MCF2: variants seen among roughly 807,000 people sequenced by gnomAD.
MCF2 encodes proto-oncogene DBL.
A neutral mutation model predicts 82.5 loss-of-function variants in MCF2; 44 were observed. The ratio of observed to expected loss-of-function variants is 0.53; its 90% CI spans 0.42 to 0.69. The LOEUF (loss-of-function observed/expected upper bound fraction) is 0.69. MCF2 is among the 30% of genes least tolerant of loss of function. The pLI is 0.00. For missense variants in MCF2, 623 were observed against 663.1 expected (o/e 0.94, Z 0.66); for synonymous variants, 217 against 224.9 (o/e 0.96, Z 0.32).
intron 5 of MCF2, 126 bp from the exon 9 acceptor site, chrX:139,626,433 A>G: frequency 1.7e-6 from 1 of 585,932 alleles, no homozygotes; most frequent in Non-Finnish European, 2.8e-6. Context: ...GGTTCTACCT[A>G]TAGAGACAAC....
chrX:139,702,166 T>C (rs1382828140), intron 1 of MCF2: 1 of 112,411 alleles, frequency 8.9e-6, no homozygotes, highest in Non-Finnish European at 1.9e-5. Context: ...CTGAATTTTG[T>C]TCGTTCATAG....
At chrX:139,697,303 T>A (rs977074283) in intron 1 of MCF2, among the ~76,000 whole-genome samples, 1 of 111,902 alleles carries the variant, frequency 8.9e-6, no homozygotes, top group African/African-American at 3.2e-5. Context: ...ACCAATATCA[T>A]GAAAACAGGG....
chrX:139,634,588 A>G (rs1933094414), intron 1 of MCF2, among the ~76,000 whole-genome samples: 1 of 111,900 alleles, frequency 8.9e-6, no homozygotes, highest in African/African-American at 3.2e-5. Flanking sequence ...AGAGCATAAA[A>G]TTAAATCAAT....
upstream of MCF2, chrX:139,645,606 T>C: frequency 8.3e-7 from 1 of 1,204,015 alleles, no homozygotes; most frequent in East Asian, 3.0e-5. Flanking sequence ...GAAGACCATG[T>C]ATCCAATCTT....
intron 1 of MCF2, among the ~76,000 whole-genome samples, chrX:139,694,760 T>C (rs753069799): frequency 9.0e-6 from 1 of 110,935 alleles, no homozygotes; most frequent in South Asian, 3.8e-4. Context: ...TGACAAACAA[T>C]AGCAGATAAT....
At chrX:139,636,688 C>G (rs997857406) in intron 1 of MCF2, among the ~76,000 whole-genome samples, 1 of 111,727 alleles carries the variant, frequency 9.0e-6, no homozygotes, top group African/African-American at 3.3e-5. Flanking sequence ...CCAGAGACAG[C>G]TGATCACATA....
chrX:139,634,612 A>C (rs188688266), intron 1 of MCF2, among the ~76,000 whole-genome samples: 1 of 112,003 alleles, frequency 8.9e-6, no homozygotes, highest in Non-Finnish European at 1.9e-5. Context: ...TTAAACAATG[A>C]TTATCAATAT....
intron 1 of MCF2, among the ~76,000 whole-genome samples, chrX:139,658,002 T>C (rs1255316596): frequency 9.0e-6 from 1 of 111,363 alleles, no homozygotes; most frequent in Non-Finnish European, 1.9e-5. Context: ...AAGCATATAG[T>C]TGACTGGAAT....
intron 8 of MCF2, among the ~76,000 whole-genome samples, chrX:139,617,037 G>A (rs780368837): frequency 1.8e-5 from 2 of 110,945 alleles, no homozygotes; most frequent in Non-Finnish European, 3.8e-5. Context: ...TTGCCTAATC[G>A]TGAAAAGGGT....
chrX:139,610,234 T>A, intron 11 of MCF2, 67 bp downstream of exon 15: 4 of 715,527 alleles, frequency 5.6e-6, no homozygotes, highest in Non-Finnish European at 8.5e-6. Flanking sequence ...AACATGTGAT[T>A]TAAGGCTCAT....
chrX:139,699,955 CTTA>C (rs1428459311), intron 1 of MCF2, among the ~76,000 whole-genome samples: 1 of 111,921 alleles, frequency 8.9e-6, no homozygotes, highest in Non-Finnish European at 1.9e-5. Flanking sequence ...TCCAAGGCCT[CTTA>C]TTGTTGTTGA....
At chrX:139,631,729 C>T (rs1438317233) in intron 2 of MCF2, among the ~76,000 whole-genome samples, 1 of 111,532 alleles carries the variant, frequency 9.0e-6, no homozygotes, top group Non-Finnish European at 1.9e-5. Context: ...CTAAATCAAT[C>T]TCCACAGAAA....
intron 7 of MCF2, among the ~76,000 whole-genome samples, 195 bp downstream of exon 10, chrX:139,619,392 G>A (rs745400200): frequency 1.8e-5 from 2 of 110,234 alleles, no homozygotes; most frequent in South Asian, 3.9e-4. Context: ...TATACTGTTC[G>A]GGTGATGGGT....
chrX:139,705,391 G>C (rs1935572200), intron 1 of MCF2, among the ~76,000 whole-genome samples: 1 of 112,014 alleles, frequency 8.9e-6, no homozygotes, highest in South Asian at 3.7e-4. Flanking sequence ...ACAGAATAGA[G>C]AACTCAGAAA....
chrX:139,626,780 A>G, intron 4 of MCF2, 24 bp from the exon 8 acceptor site: 2 of 1,188,946 alleles, frequency 1.7e-6, no homozygotes, highest in East Asian at 3.0e-5. Flanking sequence ...CAAAAGGAGT[A>G]TCACCTAATT....
At chrX:139,599,395 A>C (rs1930359864) in intron 16 of MCF2, among the ~76,000 whole-genome samples, 1 of 109,985 alleles carries the variant, frequency 9.1e-6, no homozygotes. Context: ...GAAGATAAGC[A>C]AGGGGAAAAC....
intron 1 of MCF2, among the ~76,000 whole-genome samples, chrX:139,676,494 T>A (rs1323358790): frequency 8.9e-6 from 1 of 112,201 alleles, no homozygotes; most frequent in African/African-American, 3.2e-5. Flanking sequence ...CAAATAAGCA[T>A]TTCCTATAGA....
intron 4 of MCF2, among the ~76,000 whole-genome samples, chrX:139,628,703 C>CTGAT (rs199698542): frequency 2.1e-3 from 241 of 112,185 alleles, no homozygotes; most frequent in African/African-American, 7.6e-3. Flanking sequence ...CTAATGCACA[C>CTGAT]AGTATGTCTA....
In MCF2 at chrX:139,661,632, C is replaced by T. The variant is rs145179516; in HGVS notation, c.-44-9844G>A. 6.0e-3 allele frequency among the ~76,000 whole-genome samples: 664 copies of T among 111,419 alleles called. 1 individual carries two copies. The highest frequency in any genetic ancestry group is 8.6e-3 in the Non-Finnish European group (454 of 53,024). On this transcript the variant is annotated intron_variant, in intron 1 of 27. Coordinates refer to the MCF2 transcript ENST00000414978. Reference sequence around the variant, plus strand: ...TTGTCCTGAATACTATTCTAAGATGCTAAGTACTATTCTATTCAAATGTTA... The same window carrying T: ...TTGTCCTGAATACTATTCTAAGATGTTAAGTACTATTCTATTCAAATGTTA...
Sources: allele counts gnomAD v4.1 joint callset (sites outside exome capture counted in the v4.1 genomes callset), GRCh38; gene constraint gnomAD v4.1.1; transcripts MANE v1.5; gene names NCBI Gene and HGNC (gene_info 2026-07-23, HGNC 2026-07-21).